GRIP1: variants seen among roughly 807,000 people sequenced by gnomAD.
GRIP1 encodes the protein glutamate receptor-interacting protein 1.
A neutral mutation model predicts 129.9 loss-of-function variants in GRIP1; 45 were observed. The observed-to-expected ratio is 0.35, with a 90% CI of 0.27 to 0.44. The LOEUF is 0.44. Among genes scored for constraint, GRIP1 ranks in the 20% least tolerant of loss-of-function variants. The pLI is 1.00. For missense variants in GRIP1, 1,196 were observed against 1,396.8 expected, an observed-to-expected ratio of 0.86 and a Z score of 2.29; for synonymous variants, 530 against 520.8, an observed-to-expected ratio of 1.02 and a Z score of -0.24.
intron 7 of GRIP1, among the ~76,000 whole-genome samples, chr12:66,481,949 G>C (rs533780796): frequency 2.6e-5 from 4 of 152,072 alleles, no homozygotes; most frequent in Admixed American, 6.5e-5. Flanking sequence ...GGCCTGTCGG[G>C]GGGTGGGAGG....
intron 1 of GRIP1, among the ~76,000 whole-genome samples, chr12:66,895,834 A>G (rs1333140673): frequency 2.0e-5 from 3 of 152,238 alleles, no homozygotes; most frequent in Non-Finnish European, 4.4e-5. Flanking sequence ...TATTTTTAAA[A>G]GCAACACTAA....
intron 7 of GRIP1, among the ~76,000 whole-genome samples, chr12:66,486,191 A>G (rs190867176): frequency 3.9e-5 from 6 of 152,236 alleles, no homozygotes; most frequent in African/African-American, 1.4e-4. Flanking sequence ...TTGCCAAGGG[A>G]ATAATAATAT....
At chr12:66,457,613 A>G (rs149817564) in intron 9 of GRIP1, among the ~76,000 whole-genome samples, 107 of 152,336 alleles carry the variant, frequency 7.0e-4, no homozygotes, top group African/African-American at 2.5e-3. Flanking sequence ...TAGGTGTCTT[A>G]CAAGTGAATA....
intron 1 of GRIP1, among the ~76,000 whole-genome samples, chr12:66,615,461 G>A (rs964876794): frequency 5.9e-5 from 9 of 152,106 alleles, no homozygotes; most frequent in East Asian, 1.9e-4. Context: ...GCTCCTTATC[G>A]TATATTATAC....
At chr12:66,418,738 ATG>A (rs2057698935) in intron 15 of GRIP1, among the ~76,000 whole-genome samples, 1 of 152,206 alleles carries the variant, frequency 6.6e-6, no homozygotes, top group African/African-American at 2.4e-5. Flanking sequence ...CAAAACTACA[ATG>A]AGATATCATC....
chr12:66,585,069 A>C (rs192482287), intron 2 of GRIP1, among the ~76,000 whole-genome samples: 61 of 151,698 alleles, frequency 4.0e-4, no homozygotes, highest in African/African-American at 1.4e-3. Flanking sequence ...TTATTTTATC[A>C]ATTATGATAT....
At chr12:66,580,994 C>T (rs1011408002) in intron 2 of GRIP1, among the ~76,000 whole-genome samples, 2 of 152,128 alleles carry the variant, frequency 1.3e-5, no homozygotes, top group African/African-American at 4.8e-5. Context: ...CCAAAATTGA[C>T]CACATAGTTG....
chr12:66,424,137 T>C (rs545384688), intron 14 of GRIP1, among the ~76,000 whole-genome samples: 1 of 152,330 alleles, frequency 6.6e-6, no homozygotes, highest in African/African-American at 2.4e-5. Context: ...ATCGTCGTCA[T>C]GTGTGTCTAC....
intron 1 of GRIP1, among the ~76,000 whole-genome samples, chr12:66,698,745 C>T (rs1357683436): frequency 6.6e-6 from 1 of 152,140 alleles, no homozygotes; most frequent in Non-Finnish European, 1.5e-5. Flanking sequence ...TCGTATCTAG[C>T]TGCTCTGGAA....
Position 66,672,331 on chromosome 12 carries a change from A to C in GRIP1, c.55+6519T>G, listed in dbSNP as rs559683007. 2.0e-5 allele frequency among the ~76,000 whole-genome samples: 3 copies of C among 152,230 alleles called. No individual in the cohort carries two copies. The South Asian group carries it at 6.2e-4, about 32-fold the overall frequency. ...GTAAGAAGCTCTTTCTCACTTTCTA[A>C]TACCCCGAGCTTTGCCTGAATTTAG... On this transcript the variant is annotated intron_variant, in intron 1 of 24. Transcript: ENST00000359742.
chr12:66,839,217 G>A (rs1317892086), intron 1 of GRIP1, among the ~76,000 whole-genome samples: 2 of 152,114 alleles, frequency 1.3e-5, no homozygotes, highest in Non-Finnish European at 1.5e-5. Context: ...ACCATTTGGT[G>A]TCAGTAAAAA....
intron 15 of GRIP1, among the ~76,000 whole-genome samples, chr12:66,418,715 G>A (rs1053661540): frequency 1.3e-5 from 2 of 152,186 alleles, no homozygotes; most frequent in African/African-American, 2.4e-5. Context: ...GTGGTCATCA[G>A]AGAAATGCAA....
intron 1 of GRIP1, among the ~76,000 whole-genome samples, chr12:67,066,186 C>T (rs1233852563): frequency 1.3e-5 from 2 of 152,102 alleles, no homozygotes; most frequent in Admixed American, 1.3e-4. Flanking sequence ...TCGAGATGAA[C>T]CCGAGTAATG....
intron 5 of GRIP1, among the ~76,000 whole-genome samples, chr12:66,529,463 G>A (rs1413271413): frequency 6.6e-6 from 1 of 152,104 alleles, no homozygotes; most frequent in African/African-American, 2.4e-5. Flanking sequence ...GCCATAAAAA[G>A]GAATGAATTA....
At chr12:66,947,108 A>G (rs2041684295) in intron 1 of GRIP1, among the ~76,000 whole-genome samples, 1 of 151,874 alleles carries the variant, frequency 6.6e-6, no homozygotes. Flanking sequence ...TGAGGGAGGC[A>G]GGAAGCTTAT....
intron 1 of GRIP1, among the ~76,000 whole-genome samples, chr12:67,046,017 C>A (rs973862470): frequency 1.8e-4 from 28 of 152,170 alleles, no homozygotes; most frequent in African/African-American, 6.5e-4. Flanking sequence ...TGAAGCACAT[C>A]ATCAAAGTAG....
rs143586363 is a variant in GRIP1 at position 66,629,322 on chromosome 12, C to A, written c.56-32395G>T. On this transcript the variant is annotated intron_variant, in intron 1 of 24. Transcript: ENST00000359742. The stretch of plus-strand genomic sequence containing the variant: ...ACATAGTGCTGACAAGCCTTAACGA[C>A]ACAAATGGCATGAAGCCTAACACAT... Among the ~76,000 whole-genome samples the A allele has an allele frequency of 2.3e-3, 348 of 152,296 alleles. 1 individual carries two copies. Among genetic ancestry groups the A allele is most frequent in the African/African-American group, 8.0e-3 (331 of 41,568 alleles).
rs868605937 is a variant in GRIP1, at chr12:66,951,327, G to A, written c.58+117723C>T. 5.3e-5 allele frequency among the ~76,000 whole-genome samples: 8 copies of A among 152,150 alleles called. No homozygotes were observed. In the South Asian group the frequency reaches 6.2e-4, roughly 12 times the overall value. ...AAGGATGAGAAGTAGTTAACTAAGC[G>A]GAGTGAAGTATGGGCTGGGGAATGA... On this transcript the variant is annotated intron_variant, in intron 1 of 1. Transcript: ENST00000643019.
At chr12:66,439,742 T>C (rs940723990) in intron 13 of GRIP1, among the ~76,000 whole-genome samples, 1 of 152,228 alleles carries the variant, frequency 6.6e-6, no homozygotes, top group African/African-American at 2.4e-5. Context: ...ATAATAATTA[T>C]GATGTTACTA....
Sources: gnomAD v4.1 joint callset for allele counts (sites outside exome capture counted in the v4.1 genomes callset) on GRCh38, gnomAD v4.1.1 for gene constraint, MANE v1.5 for transcripts, NCBI Gene and HGNC (gene_info 2026-07-23, HGNC 2026-07-21) for gene names.